Variants in REDIC1 observed in about 807,000 individuals in gnomAD.
REDIC1 encodes the protein regulator of DNA class I crossover intermediates 1.
At chr12:39,690,390 G>C in the REDIC1 span, among the ~76,000 whole-genome samples, 1 of 152,070 alleles carries the variant, frequency 6.6e-6, no homozygotes, top group Admixed American at 6.5e-5. Flanking sequence ...ACATGGGAAC[G>C]TATTCACCAG....
chr12:39,889,529 CTTTTT>C, the REDIC1 span, among the ~76,000 whole-genome samples: 7 of 119,854 alleles, frequency 5.8e-5, no homozygotes, highest in Admixed American at 1.9e-4. Context: ...GGTAAACAAC[CTTTTT>C]TTTTTTTTTT....
the REDIC1 span, among the ~76,000 whole-genome samples, chr12:39,858,851 C>T: frequency 1.3e-5 from 2 of 152,148 alleles, no homozygotes; most frequent in South Asian, 2.1e-4. Flanking sequence ...CATGATCCAC[C>T]CGCTTTGGCC....
At chr12:39,712,866 C>G in the REDIC1 span, among the ~76,000 whole-genome samples, 1 of 13,998 alleles carries the variant, frequency 7.1e-5, no homozygotes, top group Admixed American at 1.1e-3. Flanking sequence ...TGTATATACA[C>G]GTATATACAC....
At chr12:39,832,360 C>G in the REDIC1 span, among the ~76,000 whole-genome samples, 1 of 152,142 alleles carries the variant, frequency 6.6e-6, no homozygotes, top group Non-Finnish European at 1.5e-5. Flanking sequence ...GGTCAACTCA[C>G]TCATTTGCAG....
At chr12:39,716,148 C>A in the REDIC1 span, among the ~76,000 whole-genome samples, 2 of 151,726 alleles carry the variant, frequency 1.3e-5, no homozygotes, top group Non-Finnish European at 2.9e-5. Context: ...GATAGCAGAC[C>A]CATTTTCATA....
the REDIC1 span, among the ~76,000 whole-genome samples, chr12:39,799,248 C>G: frequency 9.0e-6 from 1 of 111,282 alleles, no homozygotes; most frequent in East Asian, 2.9e-4. Flanking sequence ...TGCCACTATG[C>G]TTAGCCTTTT....
the REDIC1 span, among the ~76,000 whole-genome samples, chr12:39,809,628 GT>G: frequency 1.2e-4 from 18 of 152,214 alleles, no homozygotes; most frequent in East Asian, 2.3e-3. Flanking sequence ...TTAGCATCAG[GT>G]ATATCTCCTA....
At chr12:39,733,120 T>G in the REDIC1 span, among the ~76,000 whole-genome samples, 1 of 151,784 alleles carries the variant, frequency 6.6e-6, no homozygotes, top group Non-Finnish European at 1.5e-5. Flanking sequence ...AAACAGTTTG[T>G]GATTTCATTT....
chr12:39,752,020 G>A, the REDIC1 span, among the ~76,000 whole-genome samples: 1 of 152,132 alleles, frequency 6.6e-6, no homozygotes, highest in Non-Finnish European at 1.5e-5. Context: ...CCTGCACATT[G>A]TGCACATGTA....
At chr12:39,640,591 T>A in the REDIC1 span, among the ~76,000 whole-genome samples, 1 of 152,018 alleles carries the variant, frequency 6.6e-6, no homozygotes, top group East Asian at 1.9e-4. Context: ...AATGTTGAAA[T>A]ACAAAGAAAA....
the REDIC1 span, among the ~76,000 whole-genome samples, chr12:39,836,162 A>G: frequency 6.6e-6 from 1 of 152,122 alleles, no homozygotes; most frequent in Non-Finnish European, 1.5e-5. Context: ...TGTAGTAAAT[A>G]AGTGTGCCTG....
chr12:39,752,437 C>T, the REDIC1 span, among the ~76,000 whole-genome samples: 206 of 152,234 alleles, frequency 1.4e-3, 2 homozygotes, highest in African/African-American at 4.7e-3. Context: ...CCTCCTAGGT[C>T]TATGGAAAAA....
At chr12:39,681,921 CAAT>C in the REDIC1 span, among the ~76,000 whole-genome samples, 1 of 152,068 alleles carries the variant, frequency 6.6e-6, no homozygotes, top group African/African-American at 2.4e-5. Flanking sequence ...TAGTCACTGA[CAAT>C]AAAATAAGAA....
At chr12:39,718,189 C>A in the REDIC1 span, among the ~76,000 whole-genome samples, 6 of 151,984 alleles carry the variant, frequency 3.9e-5, no homozygotes, top group African/African-American at 1.4e-4. Context: ...GGGTTCTCTC[C>A]CATCGCATTG....
chr12:39,696,994 T>A, the REDIC1 span, among the ~76,000 whole-genome samples: 1 of 152,034 alleles, frequency 6.6e-6, no homozygotes, highest in Non-Finnish European at 1.5e-5. Context: ...AAGAGAAACA[T>A]ATCAATATCC....
chr12:39,683,385 T>C, the REDIC1 span: 1 of 1,488,868 alleles, frequency 6.7e-7, no homozygotes. Context: ...TGCTAAATTT[T>C]TAACTCGGTG....
the REDIC1 span, among the ~76,000 whole-genome samples, chr12:39,767,050 T>C: frequency 6.6e-6 from 1 of 152,118 alleles, no homozygotes; most frequent in South Asian, 2.1e-4. Context: ...GAATAGTGAA[T>C]CCTTTCCAGA....
the REDIC1 span, among the ~76,000 whole-genome samples, chr12:39,845,499 T>C: frequency 6.6e-6 from 1 of 152,122 alleles, no homozygotes; most frequent in Non-Finnish European, 1.5e-5. Flanking sequence ...TCTCAGTTCT[T>C]GCATAGTTGG....
At chr12:39,656,220 A>T in the REDIC1 span, among the ~76,000 whole-genome samples, 4 of 152,252 alleles carry the variant, frequency 2.6e-5, no homozygotes, top group African/African-American at 9.6e-5. Context: ...GAAGTATTCC[A>T]TCATGTTTAA....
Sources: allele counts gnomAD v4.1 joint callset (sites outside exome capture counted in the v4.1 genomes callset), GRCh38; gene constraint gnomAD v4.1.1; transcripts MANE v1.5; gene names NCBI Gene and HGNC (gene_info 2026-07-23, HGNC 2026-07-21).